The following PTPRD variants were observed in gnomAD, a reference collection of about 807,000 sequenced individuals.
PTPRD encodes the protein protein tyrosine phosphatase receptor type D.
Under a neutral mutation model 214.5 loss-of-function variants are expected in PTPRD, and 34 were observed. The observed-to-expected ratio is 0.16, with a 90% CI of 0.12 to 0.21. PTPRD has a LOEUF of 0.21. Ranked by LOEUF, PTPRD falls within the 10% of genes least tolerant of loss-of-function variation. The probability of loss-of-function intolerance (pLI) is 1.00; values close to 1 mark genes in which losing one functional copy is unlikely to be tolerated. For synonymous variants in PTPRD, 1,128 were observed against 845.7 expected, an observed-to-expected ratio of 1.33 and a Z score of -5.79; for missense variants, 2,545 against 2,398.7, an observed-to-expected ratio of 1.06 and a Z score of -1.27.
At chr9:9,617,723 T>C (rs1007875908) in intron 7 of PTPRD, among the ~76,000 whole-genome samples, 2 of 151,978 alleles carry the variant, frequency 1.3e-5, no homozygotes, top group African/African-American at 4.8e-5. Flanking sequence ...ATGGTGAGGG[T>C]GTCCTCTAAG....
intron 9 of PTPRD, among the ~76,000 whole-genome samples, chr9:9,195,084 G>GTGTATA (rs1197178540): frequency 1.3e-5 from 1 of 74,726 alleles, no homozygotes; most frequent in Non-Finnish European, 2.8e-5. Context: ...GTGTGTGTTT[G>GTGTATA]TGTATATATA....
Position 9,671,537 on chromosome 9 carries a change from G to C in PTPRD, c.-287+62996C>G, listed in dbSNP as rs536767706. Among the ~76,000 whole-genome samples the C allele has an allele frequency of 3.3e-5, 5 of 152,078 alleles. No homozygotes were observed. The East Asian group carries it at 5.8e-4, about 18-fold the overall frequency. On this transcript the variant is annotated intron_variant, in intron 7 of 45. Transcript: ENST00000381196. ...GGCCAGGGGCAGAATGACATGGTTT[G>C]GCTGTGTCCCCCACAAAATCTCTTC...
At chr9:8,592,569 C>G (rs1260035886) in intron 14 of PTPRD, among the ~76,000 whole-genome samples, 1 of 152,082 alleles carries the variant, frequency 6.6e-6, no homozygotes, top group Non-Finnish European at 1.5e-5. Context: ...ACTTGAGATA[C>G]TGACTGTCCT....
chr9:8,634,435 G>T (rs890564266), intron 13 of PTPRD, among the ~76,000 whole-genome samples: 2 of 151,778 alleles, frequency 1.3e-5, no homozygotes, highest in African/African-American at 4.8e-5. Flanking sequence ...TATATTTATG[G>T]GGTGCTTAAT....
At position 9,319,631 on chromosome 9, in the gene PTPRD, T is replaced by C. The variant is rs372892152; in HGVS notation, c.-203+77818A>G. Among the ~76,000 whole-genome samples the C allele has an allele frequency of 9.8e-5, 15 of 152,320 alleles. No homozygotes were observed. In the East Asian group the frequency reaches 2.3e-3, roughly 24 times the overall value. ...TCTTCATACTTTACCAAGTGTATAG[T>C]AGAATCTAAACACCTCTTCTTAGAG... On this transcript the variant is annotated intron_variant, in intron 9 of 45. Transcript: ENST00000381196.
intron 11 of PTPRD, among the ~76,000 whole-genome samples, chr9:8,950,730 T>G (rs2099097168): frequency 6.6e-6 from 1 of 151,730 alleles, no homozygotes; most frequent in African/African-American, 2.4e-5. Context: ...AAATAGAGCT[T>G]GAAAGAATCT....
chr9:10,080,093 G>T (rs2098210247), intron 3 of PTPRD, among the ~76,000 whole-genome samples: 1 of 151,952 alleles, frequency 6.6e-6, no homozygotes, highest in Admixed American at 6.6e-5. Flanking sequence ...TCCACTAATG[G>T]TCTAAGTAAA....
At chr9:8,550,353 A>G (rs1346669933) in intron 14 of PTPRD, among the ~76,000 whole-genome samples, 1 of 152,216 alleles carries the variant, frequency 6.6e-6, no homozygotes, top group South Asian at 2.1e-4. Flanking sequence ...GATTTGTCAT[A>G]TAGTAAATAC....
chr9:9,299,524 T>G (rs570734861), intron 9 of PTPRD, among the ~76,000 whole-genome samples: 2 of 151,814 alleles, frequency 1.3e-5, no homozygotes, highest in East Asian at 3.9e-4. Flanking sequence ...GTCTTTAAAT[T>G]TTTCTTATTT....
chr9:9,156,951 A>T (rs1569555770), intron 10 of PTPRD, among the ~76,000 whole-genome samples: 1 of 152,206 alleles, frequency 6.6e-6, no homozygotes, highest in Non-Finnish European at 1.5e-5. Context: ...TCTTAGGAAC[A>T]ATTCCACACT....
intron 8 of PTPRD, among the ~76,000 whole-genome samples, chr9:9,445,181 G>T (rs1361513067): frequency 6.6e-6 from 1 of 152,118 alleles, no homozygotes; most frequent in Non-Finnish European, 1.5e-5. Flanking sequence ...AAATGGGTAG[G>T]TCAAACTGTA....
rs553774708 is a variant in PTPRD, at chr9:8,572,951, T to C, written c.353-44172A>G. 3.3e-5 allele frequency among the ~76,000 whole-genome samples: 5 copies of C among 152,154 alleles called. No individual in the cohort carries two copies. The South Asian group carries it at 8.3e-4, about 25-fold the overall frequency. Reference sequence around the variant, plus strand: ...AAAGCTGGTTAAATATTCAACGTTGTTGATATATTTTAACTTCTTATTCTG... The same window carrying C: ...AAAGCTGGTTAAATATTCAACGTTGCTGATATATTTTAACTTCTTATTCTG... On this transcript the variant is annotated intron_variant, in intron 14 of 45. Coordinates refer to ENST00000381196, the MANE Select transcript of PTPRD (RefSeq NM_002839.4).
At chr9:10,578,115 G>A (rs2070194817) in intron 2 of PTPRD, among the ~76,000 whole-genome samples, 1 of 151,896 alleles carries the variant, frequency 6.6e-6, no homozygotes, top group South Asian at 2.1e-4. Context: ...TCACCTTGTT[G>A]GTTAGGTTGG....
chr9:8,504,912 G>A lies in PTPRD; in HGVS notation c.1678-507C>T, dbSNP rs148912066. Among the ~76,000 whole-genome samples the A allele has an allele frequency of 1.8e-3, 268 of 152,302 alleles. 1 individual carries two copies. Among genetic ancestry groups the A allele is most frequent in the African/African-American group, 6.0e-3 (249 of 41,556 alleles). On this transcript the variant is annotated intron_variant, in intron 22 of 45. Coordinates refer to ENST00000381196, the MANE Select transcript of PTPRD (RefSeq NM_002839.4). The stretch of plus-strand genomic sequence containing the variant: ...AACAGTAACCAGTATACAATTTACA[G>A]GAGGTTGCTATAAAAGAGATTTGAA...
At chr9:10,521,985 T>C (rs1226437904) in intron 2 of PTPRD, among the ~76,000 whole-genome samples, 1 of 152,118 alleles carries the variant, frequency 6.6e-6, no homozygotes, top group Non-Finnish European at 1.5e-5. Flanking sequence ...TATGGTCTTT[T>C]TGATCCATAA....
At chr9:10,237,441 A>G (rs1025065338) in intron 3 of PTPRD, among the ~76,000 whole-genome samples, 2 of 151,888 alleles carry the variant, frequency 1.3e-5, no homozygotes, top group East Asian at 3.9e-4. Context: ...TTGTCACTGA[A>G]AATTTCTTAA....
intron 5 of PTPRD, among the ~76,000 whole-genome samples, chr9:9,849,594 G>C (rs2060166635): frequency 1.3e-5 from 2 of 152,104 alleles, no homozygotes; most frequent in Admixed American, 1.3e-4. Context: ...ATGAACTGTT[G>C]TGAATCATTC....
At chr9:9,361,275 C>T (rs148961033) in intron 9 of PTPRD, among the ~76,000 whole-genome samples, 2 of 151,174 alleles carry the variant, frequency 1.3e-5, no homozygotes, top group African/African-American at 4.8e-5. Context: ...CATTTGAGAT[C>T]ATTACCACCG....
intron 35 of PTPRD, among the ~76,000 whole-genome samples, chr9:8,422,072 T>C (rs2094401033): frequency 7.7e-6 from 1 of 129,524 alleles, no homozygotes; most frequent in South Asian, 2.5e-4. Context: ...TCTGAGCCTG[T>C]GGAGGCAGAG....
Sources: gnomAD v4.1 joint callset for allele counts (sites outside exome capture counted in the v4.1 genomes callset) on GRCh38, gnomAD v4.1.1 for gene constraint, MANE v1.5 for transcripts, NCBI Gene and HGNC (gene_info 2026-07-23, HGNC 2026-07-21) for gene names.